Variants in ING3 observed in about 807,000 individuals in gnomAD.
ING3 encodes inhibitor of growth family member 3, also known as inhibitor of growth protein 3.
Under a neutral mutation model 64.8 loss-of-function variants are expected in ING3, and 6 were observed. That is an observed-to-expected ratio of 0.09 (90% CI 0.05 to 0.18). The LOEUF (loss-of-function observed/expected upper bound fraction) is 0.18, where lower values mean the gene tolerates loss of function less well. ING3 is among the 10% of genes least tolerant of loss of function. The pLI is 1.00. For missense variants in ING3, 310 were observed against 489.7 expected (o/e 0.63, Z 3.46); for synonymous variants, 170 against 173.7 (o/e 0.98, Z 0.17).
chr7:120,958,470 A>G (rs1010769463), intron 4 of ING3, among the ~76,000 whole-genome samples: 2 of 152,076 alleles, frequency 1.3e-5, no homozygotes, highest in African/African-American at 4.8e-5. Flanking sequence ...GCTTTTGTAA[A>G]TGCTAATCCA....
chr7:120,955,240 T>A (rs1001444693), intron 3 of ING3, among the ~76,000 whole-genome samples: 1 of 152,170 alleles, frequency 6.6e-6, no homozygotes, highest in Non-Finnish European at 1.5e-5. Context: ...GCACTTCTTG[T>A]GCCTCAACCT....
intron 3 of ING3, 36 bp from the exon 4 acceptor site, chr7:120,955,523 T>C: frequency 4.4e-6 from 6 of 1,361,472 alleles, no homozygotes; most frequent in Non-Finnish European, 6.2e-6. Context: ...TTTAAAATGA[T>C]TAATTTATTT....
intron 9 of ING3, among the ~76,000 whole-genome samples, chr7:120,969,829 T>C (rs1051557580): frequency 2.0e-5 from 3 of 152,252 alleles, no homozygotes; most frequent in African/African-American, 7.2e-5. Context: ...CTAGTAGTTA[T>C]ATTTTCTGTA....
intron 4 of ING3, chr7:120,956,856 T>C (rs1388159909): frequency 3.2e-6 from 3 of 930,818 alleles, no homozygotes; most frequent in Admixed American, 6.2e-5. Flanking sequence ...TTAATTCATA[T>C]AGCTCTTTGG....
intron 4 of ING3, among the ~76,000 whole-genome samples, chr7:120,961,137 A>G (rs1795927914): frequency 6.6e-6 from 1 of 152,110 alleles, no homozygotes; most frequent in Non-Finnish European, 1.5e-5. Flanking sequence ...TCCTGTCCTT[A>G]TTGTCTTTCA....
In ING3 at chr7:120,975,248, G is replaced by T. The variant is rs1796119619; in HGVS notation, c.*404G>T. ...GCTGCATGTACTGTACTCCAGAGCT[G>T]TTATGTAACACTGTATATAAATGGT... On this transcript the variant is annotated 3_prime_UTR_variant, in exon 12 of 12. Coordinates refer to ENST00000315870, the MANE Select transcript of ING3 (RefSeq NM_019071.3). 1 of 151,532 alleles carries T rather than the reference G, an allele frequency of 6.6e-6. No individual in the cohort carries two copies. Among genetic ancestry groups the T allele is most frequent in the Non-Finnish European group, 1.5e-5 (1 of 68,360 alleles). 9.4% of individuals were successfully genotyped at this position (151,532 alleles called of 1,614,324 possible).
rs928668517 is a variant in ING3 at position 120,950,996 on chromosome 7, C to G, written c.28+72C>G. 5.0e-6 allele frequency: 7 copies of G among 1,409,830 alleles called. No individual in the cohort carries two copies. In the Admixed American group the frequency reaches 6.8e-5, roughly 14 times the overall value. The allele number at this position is 1,409,830 out of a possible 1,614,324, so 87.3% of individuals were successfully genotyped here. ...GGCAAGAGCGCGAGTGGACGGGCAGCGAGATGGCGGGAGGGAGGGGGCGGC... is the reference window on the plus strand; with the variant it reads ...GGCAAGAGCGCGAGTGGACGGGCAGGGAGATGGCGGGAGGGAGGGGGCGGC... On this transcript the variant is annotated intron_variant, in intron 1 of 11. Coordinates refer to ENST00000315870, the MANE Select transcript of ING3 (RefSeq NM_019071.3).
chr7:120,970,291 C>T (rs1796050808), intron 9 of ING3, among the ~76,000 whole-genome samples: 1 of 151,950 alleles, frequency 6.6e-6, no homozygotes, highest in Non-Finnish European at 1.5e-5. Flanking sequence ...CGATGAAACC[C>T]CATCTCTACT....
intron 3 of ING3, 116 bp from the exon 4 acceptor site, chr7:120,955,443 C>A: frequency 2.8e-6 from 2 of 709,576 alleles, no homozygotes; most frequent in Non-Finnish European, 2.3e-6. Flanking sequence ...TTTTTTATTA[C>A]TAAGGTAGGA....
intron 3 of ING3, among the ~76,000 whole-genome samples, chr7:120,953,989 C>T (rs1278335342): frequency 6.6e-6 from 1 of 152,098 alleles, no homozygotes; most frequent in African/African-American, 2.4e-5. Flanking sequence ...TGATTGAGTT[C>T]ATTTAGGGAT....
intron 4 of ING3, among the ~76,000 whole-genome samples, chr7:120,961,453 A>G (rs181993805): frequency 2.8e-4 from 43 of 152,300 alleles, no homozygotes; most frequent in African/African-American, 9.9e-4. Flanking sequence ...AAATTTTATA[A>G]ATTGATTGTA....
At chr7:120,962,886 TA>T (rs1795951493) in intron 4 of ING3, among the ~76,000 whole-genome samples, 1 of 152,146 alleles carries the variant, frequency 6.6e-6, no homozygotes, top group East Asian at 1.9e-4. Flanking sequence ...CTTATTATAT[TA>T]AAAATCATAT....
At chr7:120,956,956 CAT>C (rs1343409162) in intron 4 of ING3, 10 of 423,862 alleles carry the variant, frequency 2.4e-5, no homozygotes, top group Non-Finnish European at 3.2e-5. Flanking sequence ...AAAAATATAA[CAT>C]AAATATATGC....
At chr7:120,962,252 G>T (rs1795942147) in intron 4 of ING3, among the ~76,000 whole-genome samples, 1 of 152,026 alleles carries the variant, frequency 6.6e-6, no homozygotes, top group African/African-American at 2.4e-5. Context: ...AATGCTCATT[G>T]CCTAATAATT....
chr7:120,953,234 T>G (rs1424799008), intron 2 of ING3, 70 bp from the exon 3 acceptor site: 1 of 897,092 alleles, frequency 1.1e-6, no homozygotes, highest in African/African-American at 1.7e-5. Context: ...TTTCCCTCCC[T>G]AAATCAAACC....
At chr7:120,967,444 T>C (rs1334100379) in intron 6 of ING3, 85 bp from the exon 7 acceptor site, 1 of 981,596 alleles carries the variant, frequency 1.0e-6, no homozygotes, top group East Asian at 2.7e-5. Flanking sequence ...TCATACTGTT[T>C]CACATTTTAA....
chr7:120,972,535 G>C (rs1465519107), intron 10 of ING3, among the ~76,000 whole-genome samples: 1 of 152,088 alleles, frequency 6.6e-6, no homozygotes, highest in Admixed American at 6.6e-5. Flanking sequence ...AAACTAGAAG[G>C]TGATGGAATA....
At chr7:120,957,003 A>C (rs904782315) in intron 4 of ING3, 1 of 336,374 alleles carries the variant, frequency 3.0e-6, no homozygotes, top group South Asian at 1.2e-4. Flanking sequence ...TTCATCTCTT[A>C]TTTAAAAACC....
chr7:120,965,359 C>T (rs1795984063), intron 5 of ING3, among the ~76,000 whole-genome samples: 1 of 152,130 alleles, frequency 6.6e-6, no homozygotes, highest in East Asian at 1.9e-4. Context: ...TATTTCTTTG[C>T]AAGGCTCTAT....
Sources: allele counts gnomAD v4.1 joint callset (sites outside exome capture counted in the v4.1 genomes callset), GRCh38; gene constraint gnomAD v4.1.1; transcripts MANE v1.5; gene names NCBI Gene and HGNC (gene_info 2026-07-23, HGNC 2026-07-21).